The following EXOC4 variants were observed in gnomAD, a reference collection of about 807,000 sequenced individuals.
EXOC4 encodes the protein SEC8-like 1.
In EXOC4, 71 loss-of-function variants were observed where a neutral mutation model predicts 107.2. The ratio of observed to expected loss-of-function variants is 0.66; its 90% CI spans 0.55 to 0.81. The LOEUF (loss-of-function observed/expected upper bound fraction) is 0.81, where lower values mean the gene tolerates loss of function less well. Among genes scored for constraint, EXOC4 ranks in the 30% least tolerant of loss-of-function variants. The pLI is 0.00. For synonymous variants in EXOC4, 456 were observed against 441.2 expected, an observed-to-expected ratio of 1.03 and a Z score of -0.42; for missense variants, 1,108 against 1,189.6, an observed-to-expected ratio of 0.93 and a Z score of 1.01.
chr7:133,866,915 C>T (rs138220180), intron 11 of EXOC4, among the ~76,000 whole-genome samples: 15 of 152,310 alleles, frequency 9.8e-5, no homozygotes, highest in African/African-American at 2.9e-4. Context: ...GAGAGAAATG[C>T]GCATGCCCTC....
At chr7:133,656,141 G>T (rs1803289013) in intron 10 of EXOC4, among the ~76,000 whole-genome samples, 1 of 152,078 alleles carries the variant, frequency 6.6e-6, no homozygotes. Context: ...ACTGTAATAG[G>T]ATATATTGCC....
intron 14 of EXOC4, among the ~76,000 whole-genome samples, chr7:133,946,621 C>T (rs1203700188): frequency 6.6e-6 from 1 of 152,230 alleles, no homozygotes; most frequent in Non-Finnish European, 1.5e-5. Flanking sequence ...TGGAAAGCCG[C>T]TGTGCTTAGC....
chr7:134,020,545 A>C (rs1795005303), intron 17 of EXOC4, among the ~76,000 whole-genome samples: 1 of 152,236 alleles, frequency 6.6e-6, no homozygotes, highest in Non-Finnish European at 1.5e-5. Context: ...CTCAGTTAAC[A>C]TGTGTAGACA....
At chr7:133,615,744 G>A (rs561594284) in intron 9 of EXOC4, among the ~76,000 whole-genome samples, 100 of 152,218 alleles carry the variant, frequency 6.6e-4, no homozygotes, top group Non-Finnish European at 1.2e-3. Flanking sequence ...GAGCCTTTTC[G>A]TTGGTAACCT....
At chr7:133,260,510 G>A (rs1795123616) in intron 1 of EXOC4, among the ~76,000 whole-genome samples, 1 of 152,192 alleles carries the variant, frequency 6.6e-6, no homozygotes, top group Admixed American at 6.5e-5. Flanking sequence ...CTGACCTCAA[G>A]TGACCCACTT....
At chr7:133,869,402 T>G (rs1585211394) in intron 11 of EXOC4, among the ~76,000 whole-genome samples, 1 of 152,234 alleles carries the variant, frequency 6.6e-6, no homozygotes, top group East Asian at 1.9e-4. Flanking sequence ...TTTCTGTAGC[T>G]CCCTGTCTTC....
In EXOC4 at chr7:133,445,647, T is replaced by C. The variant is rs80267488; in HGVS notation, c.1183-29681T>C. Among the ~76,000 whole-genome samples the C allele has an allele frequency of 4.7e-4, 49 of 103,572 alleles. No homozygotes were observed. The East Asian group carries it at 6.2e-3, about 13-fold the overall frequency. 67.9% of individuals were successfully genotyped at this position (103,572 alleles called of 152,430 possible). A position where few individuals can be genotyped will look rare whatever the true frequency, so the allele number is the denominator to read the frequency against. On this transcript the variant is annotated intron_variant, in intron 7 of 17. Coordinates refer to ENST00000253861, the MANE Select transcript of EXOC4 (RefSeq NM_021807.4). ...ACAAACAAACAAACAAACAAACAAA[T>C]AAATCAACCTCTCCTGGTAATTCTA...
At chr7:133,847,738 C>G (rs753822739) in intron 11 of EXOC4, among the ~76,000 whole-genome samples, 1 of 151,672 alleles carries the variant, frequency 6.6e-6, no homozygotes, top group East Asian at 1.9e-4. Context: ...GACGGAGTCT[C>G]GCTCTTGTCG....
At chr7:133,696,760 A>G (rs965683853) in intron 10 of EXOC4, among the ~76,000 whole-genome samples, 1 of 152,088 alleles carries the variant, frequency 6.6e-6, no homozygotes, top group Non-Finnish European at 1.5e-5. Context: ...CTGTTGTTGC[A>G]TTTACCACAA....
At chr7:133,381,850 T>A (rs1466522651) in intron 7 of EXOC4, among the ~76,000 whole-genome samples, 1 of 152,128 alleles carries the variant, frequency 6.6e-6, no homozygotes, top group Non-Finnish European at 1.5e-5. Flanking sequence ...TGGAAGTCTT[T>A]GTGTTGGGTA....
chr7:133,560,183 T>A (rs1232913543), intron 9 of EXOC4, among the ~76,000 whole-genome samples: 1 of 152,256 alleles, frequency 6.6e-6, no homozygotes, highest in Non-Finnish European at 1.5e-5. Context: ...AGAATCAGCA[T>A]GTCACGTTCC....
intron 13 of EXOC4, among the ~76,000 whole-genome samples, chr7:133,925,050 TGATTTAGCACTTTA>T (rs1339779934): frequency 6.6e-6 from 1 of 152,224 alleles, no homozygotes; most frequent in African/African-American, 2.4e-5. Context: ...CAGAGTGCCT[TGATTTAGCACTTTA>T]GAGTACCATA....
At chr7:133,303,591 C>G (rs887171434) in intron 3 of EXOC4, among the ~76,000 whole-genome samples, 1 of 152,132 alleles carries the variant, frequency 6.6e-6, no homozygotes. Context: ...ATAATTATAG[C>G]TTTATAAATA....
intron 3 of EXOC4, among the ~76,000 whole-genome samples, chr7:133,302,279 T>C (rs1047490255): frequency 1.2e-4 from 19 of 152,196 alleles, no homozygotes; most frequent in African/African-American, 4.6e-4. Context: ...CTAAAGGAAA[T>C]ATTTATTTTC....
At chr7:133,354,700 G>A (rs921390810) in intron 5 of EXOC4, among the ~76,000 whole-genome samples, 1 of 152,148 alleles carries the variant, frequency 6.6e-6, no homozygotes, top group African/African-American at 2.4e-5. Context: ...ATACTTGGCA[G>A]GCAGGGTTCT....
intron 9 of EXOC4, among the ~76,000 whole-genome samples, chr7:133,603,572 G>A (rs1801860219): frequency 6.6e-6 from 1 of 152,168 alleles, no homozygotes; most frequent in African/African-American, 2.4e-5. Context: ...ACATGTTACT[G>A]TACTACATGC....
chr7:133,458,484 A>C (rs574959399), intron 7 of EXOC4, among the ~76,000 whole-genome samples: 2 of 152,334 alleles, frequency 1.3e-5, no homozygotes, highest in South Asian at 2.1e-4. Context: ...TTATGGAGGA[A>C]GCACCTTGTG....
chr7:133,955,382 G>C (rs904714735), intron 14 of EXOC4, among the ~76,000 whole-genome samples: 6 of 152,082 alleles, frequency 3.9e-5, no homozygotes, highest in Non-Finnish European at 8.8e-5. Flanking sequence ...CCCGTCAAGT[G>C]TTCAGCTCTC....
intron 7 of EXOC4, among the ~76,000 whole-genome samples, chr7:133,389,970 A>G (rs1270524136): frequency 1.3e-5 from 2 of 151,758 alleles, no homozygotes; most frequent in Admixed American, 6.6e-5. Context: ...ACTTATCACT[A>G]TCATGAGAAC....
Sources: gnomAD v4.1 joint callset for allele counts (sites outside exome capture counted in the v4.1 genomes callset) on GRCh38, gnomAD v4.1.1 for gene constraint, MANE v1.5 for transcripts, NCBI Gene and HGNC (gene_info 2026-07-23, HGNC 2026-07-21) for gene names.